Variants in MYO10 observed in about 807,000 individuals in gnomAD.
The protein encoded by MYO10 is myosin X.
In MYO10, 133 loss-of-function variants were observed where a neutral mutation model predicts 257.3. The observed-to-expected ratio is 0.52, with a 90% CI of 0.45 to 0.60. The LOEUF is 0.60. Among genes scored for constraint, MYO10 ranks in the 20% least tolerant of loss-of-function variants. MYO10 has a pLI of 0.00. For synonymous variants in MYO10, 1,104 were observed against 1,028.6 expected, an observed-to-expected ratio of 1.07 and a Z score of -1.40; for missense variants, 2,399 against 2,635.7, an observed-to-expected ratio of 0.91 and a Z score of 1.97.
chr5:16,729,090 T>C (rs1215230816), intron 19 of MYO10, among the ~76,000 whole-genome samples: 1 of 152,228 alleles, frequency 6.6e-6, no homozygotes, highest in Non-Finnish European at 1.5e-5. Flanking sequence ...ACTGCTCTTT[T>C]GACTCTTTGA....
chr5:16,757,288 T>A (rs1740557413), intron 18 of MYO10, among the ~76,000 whole-genome samples: 1 of 118,896 alleles, frequency 8.4e-6, no homozygotes, highest in African/African-American at 3.6e-5. Context: ...AGACCCTGTC[T>A]CACACACACA....
chr5:16,685,685 C>T (rs1737219581), intron 29 of MYO10, 53 bp downstream of exon 29: 1 of 1,232,942 alleles, frequency 8.1e-7, no homozygotes, highest in Non-Finnish European at 1.2e-6. Context: ...CTGACGCCCT[C>T]CCCGTCCCTG....
At chr5:16,687,662 C>T (rs930993382) in intron 28 of MYO10, among the ~76,000 whole-genome samples, 1 of 151,864 alleles carries the variant, frequency 6.6e-6, no homozygotes, top group Non-Finnish European at 1.5e-5. Context: ...TCGCGTGCTT[C>T]CTAAGGGAGA....
At chr5:16,737,599 C>T (rs1739855709) in intron 19 of MYO10, among the ~76,000 whole-genome samples, 1 of 152,176 alleles carries the variant, frequency 6.6e-6, no homozygotes, top group Non-Finnish European at 1.5e-5. Context: ...AGTTAACTTA[C>T]ATGTAGATGC....
intron 2 of MYO10, among the ~76,000 whole-genome samples, chr5:16,835,811 A>T (rs1239190481): frequency 1.9e-4 from 5 of 26,944 alleles, no homozygotes; most frequent in Non-Finnish European, 3.3e-4. Context: ...AAAAGTCTTT[A>T]AAAAAAAAAA....
chr5:16,871,733 G>A (rs540527090), intron 2 of MYO10, among the ~76,000 whole-genome samples: 4 of 152,266 alleles, frequency 2.6e-5, no homozygotes, highest in South Asian at 4.1e-4. Flanking sequence ...AACTTGTAAC[G>A]TAAAGAGGGG....
intron 2 of MYO10, among the ~76,000 whole-genome samples, chr5:16,873,282 A>C (rs1293173453): frequency 6.6e-6 from 1 of 152,226 alleles, no homozygotes; most frequent in East Asian, 1.9e-4. Flanking sequence ...TTAAAGCTCC[A>C]CAATTATCTC....
chr5:16,699,729 C>T, intron 25 of MYO10, 156 bp from the exon 26 acceptor site: 2 of 734,490 alleles, frequency 2.7e-6, no homozygotes, highest in Non-Finnish European at 4.2e-6. Context: ...AGTGACTGCA[C>T]TGAGCAGAGA....
At chr5:16,697,178 C>G (rs1737785801) in intron 26 of MYO10, among the ~76,000 whole-genome samples, 2 of 152,068 alleles carry the variant, frequency 1.3e-5, no homozygotes, top group African/African-American at 4.8e-5. Context: ...CTGTGGGGCT[C>G]CAAAGCTGAG....
At chr5:16,811,016 C>T (rs1027175678) in intron 3 of MYO10, among the ~76,000 whole-genome samples, 3 of 150,124 alleles carry the variant, frequency 2.0e-5, no homozygotes, top group African/African-American at 7.4e-5. Context: ...TTGCAGTGAG[C>T]CGACATGGCA....
chr5:16,690,041 A>C, intron 27 of MYO10, 122 bp from the exon 28 acceptor site: 2 of 711,902 alleles, frequency 2.8e-6, no homozygotes, highest in South Asian at 3.3e-5. Context: ...GAAACGGTAC[A>C]CAGTTGGCTC....
At chr5:16,837,852 TACA>T (rs1743359998) in intron 2 of MYO10, among the ~76,000 whole-genome samples, 1 of 152,222 alleles carries the variant, frequency 6.6e-6, no homozygotes, top group Non-Finnish European at 1.5e-5. Flanking sequence ...CTGCTGTTTT[TACA>T]ACAGCAGGTG....
chr5:16,855,269 T>C (rs1265039829), intron 2 of MYO10, among the ~76,000 whole-genome samples: 2 of 152,156 alleles, frequency 1.3e-5, no homozygotes, highest in African/African-American at 2.4e-5. Context: ...TTTTTCTCTA[T>C]GGTATTTACT....
chr5:16,730,570 C>T (rs980138320), intron 19 of MYO10, among the ~76,000 whole-genome samples: 2 of 152,158 alleles, frequency 1.3e-5, no homozygotes, highest in Non-Finnish European at 2.9e-5. Flanking sequence ...CAGTATGGAG[C>T]AGAGGTCAAC....
chr5:16,874,003 T>A (rs1011749349), intron 2 of MYO10, among the ~76,000 whole-genome samples: 1 of 152,204 alleles, frequency 6.6e-6, no homozygotes, highest in Non-Finnish European at 1.5e-5. Flanking sequence ...TTGCTACTTA[T>A]GCAAATTTCT....
intron 18 of MYO10, among the ~76,000 whole-genome samples, chr5:16,756,116 A>C (rs10057533): frequency 6.6e-6 from 1 of 152,004 alleles, no homozygotes; most frequent in African/African-American, 2.4e-5. Flanking sequence ...TCTGCCACCC[A>C]GGCTGGAGTA....
chr5:16,867,948 G>C (rs56798969), intron 2 of MYO10, among the ~76,000 whole-genome samples: 2 of 151,984 alleles, frequency 1.3e-5, no homozygotes, highest in African/African-American at 4.8e-5. Flanking sequence ...ACCCTATAGA[G>C]AGACAATTCA....
At chr5:16,801,566 G>A (rs914500415) in intron 3 of MYO10, among the ~76,000 whole-genome samples, 1 of 152,156 alleles carries the variant, frequency 6.6e-6, no homozygotes, top group Non-Finnish European at 1.5e-5. Context: ...CTGTAAGAAT[G>A]TAGGTGCTAC....
At chr5:16,673,039 T>C (rs986697980) in intron 36 of MYO10, among the ~76,000 whole-genome samples, 4 of 152,204 alleles carry the variant, frequency 2.6e-5, no homozygotes, top group African/African-American at 9.7e-5. Flanking sequence ...TTGCTGAAAA[T>C]AACTCAGGGT....
Sources: allele counts gnomAD v4.1 joint callset (sites outside exome capture counted in the v4.1 genomes callset), GRCh38; gene constraint gnomAD v4.1.1; transcripts MANE v1.5; gene names NCBI Gene and HGNC (gene_info 2026-07-23, HGNC 2026-07-21).